The following NAALADL2 variants were observed in gnomAD, a reference collection of about 807,000 sequenced individuals.
The protein encoded by NAALADL2 is N-acetylated alpha-linked acidic dipeptidase like 2, also known as inactive N-acetylated-alpha-linked acidic dipeptidase-like protein 2.
A neutral mutation model predicts 87.2 loss-of-function variants in NAALADL2; 76 were observed. The ratio of observed to expected loss-of-function variants is 0.87; its 90% CI spans 0.72 to 1.05. The LOEUF is 1.05. Among genes scored for constraint, NAALADL2 ranks in the 50% least tolerant of loss-of-function variants. The pLI, the probability that NAALADL2 is intolerant of heterozygous loss-of-function variation, is 0.00. For missense variants in NAALADL2, 1,089 were observed against 945.8 expected (o/e 1.15, Z -1.99); for synonymous variants, 354 against 331.0 (o/e 1.07, Z -0.75).
chr3:175,583,803 T>C (rs1441541498), intron 10 of NAALADL2, among the ~76,000 whole-genome samples: 1 of 152,172 alleles, frequency 6.6e-6, no homozygotes, highest in Non-Finnish European at 1.5e-5. Flanking sequence ...AACTGATTAT[T>C]TATATGAACT....
intron 2 of NAALADL2, among the ~76,000 whole-genome samples, chr3:175,227,647 G>A (rs769987642): frequency 2.0e-5 from 3 of 151,802 alleles, no homozygotes; most frequent in Non-Finnish European, 2.9e-5. Context: ...CATTTATTGT[G>A]GGGAAAAAAT....
At chr3:174,700,974 G>C (rs1729492622) in intron 2 of NAALADL2, among the ~76,000 whole-genome samples, 1 of 152,112 alleles carries the variant, frequency 6.6e-6, no homozygotes, top group Non-Finnish European at 1.5e-5. Context: ...CAATCTGACT[G>C]CAGCATTGTG....
intron 2 of NAALADL2, among the ~76,000 whole-genome samples, chr3:174,605,622 C>T (rs1718953346): frequency 6.6e-6 from 1 of 152,130 alleles, no homozygotes; most frequent in African/African-American, 2.4e-5. Context: ...GAGGGGCGCC[C>T]ACCATTGCCC....
Position 175,806,846 on chromosome 3 carries a change from C to T in NAALADL2, c.*3643C>T, listed in dbSNP as rs1000751370. ...TGTATTCAGTTCTTTGTTCTTTACA[C>T]TGAGTGCCGAAAAAAAAAATCAGAC... On this transcript the variant is annotated 3_prime_UTR_variant, in exon 14 of 14. Transcript: ENST00000454872. 1.3e-5 allele frequency: 2 copies of T among 150,758 alleles called. No individual in the cohort carries two copies. The highest frequency in any genetic ancestry group is 4.9e-5 in the African/African-American group (2 of 41,042). The allele number at this position is 150,758 out of a possible 1,614,324, so 9.3% of individuals were successfully genotyped here. A position where few individuals can be genotyped will look rare whatever the true frequency, so the allele number is the denominator to read the frequency against.
At chr3:174,747,209 A>G (rs1734339156) in intron 3 of NAALADL2, among the ~76,000 whole-genome samples, 1 of 152,302 alleles carries the variant, frequency 6.6e-6, no homozygotes, top group South Asian at 2.1e-4. Context: ...CAGAATCTAC[A>G]AGGAACTTAA....
intron 3 of NAALADL2, among the ~76,000 whole-genome samples, chr3:174,770,607 G>A (rs370414945): frequency 1.1e-4 from 16 of 152,156 alleles, no homozygotes; most frequent in African/African-American, 3.4e-4. Context: ...TTGGGAGGCC[G>A]AGGTGGGCGG....
chr3:175,011,680 G>A (rs188002959), intron 1 of NAALADL2, among the ~76,000 whole-genome samples: 7 of 152,234 alleles, frequency 4.6e-5, no homozygotes, highest in Admixed American at 4.6e-4. Flanking sequence ...CTGGATGGTA[G>A]TTGTAGACAA....
intron 2 of NAALADL2, among the ~76,000 whole-genome samples, chr3:174,665,301 A>T (rs1474055141): frequency 6.6e-6 from 1 of 152,156 alleles, no homozygotes; most frequent in African/African-American, 2.4e-5. Context: ...GAGGTAACAC[A>T]TTGTACATGG....
intron 5 of NAALADL2, among the ~76,000 whole-genome samples, chr3:175,374,469 G>T (rs1766867550): frequency 7.7e-6 from 1 of 130,266 alleles, no homozygotes; most frequent in South Asian, 2.7e-4. Flanking sequence ...TAGAAGAATT[G>T]CTTGAACCTA....
chr3:175,420,154 T>G (rs1438520516), intron 5 of NAALADL2, among the ~76,000 whole-genome samples: 1 of 151,968 alleles, frequency 6.6e-6, no homozygotes, highest in African/African-American at 2.4e-5. Flanking sequence ...TTCTAAAATT[T>G]TGTATACCTT....
At chr3:175,759,157 T>C (rs1159161947) in intron 13 of NAALADL2, among the ~76,000 whole-genome samples, 2 of 152,128 alleles carry the variant, frequency 1.3e-5, no homozygotes, top group Non-Finnish European at 2.9e-5. Context: ...CTCTGTGCAA[T>C]ACTGCTGGAA....
intron 3 of NAALADL2, among the ~76,000 whole-genome samples, chr3:174,818,625 C>A (rs986841480): frequency 6.6e-6 from 1 of 152,046 alleles, no homozygotes; most frequent in African/African-American, 2.4e-5. Context: ...CATACTACAC[C>A]CTGGAATTTG....
At chr3:175,413,639 A>T (rs955807675) in intron 5 of NAALADL2, among the ~76,000 whole-genome samples, 1 of 151,820 alleles carries the variant, frequency 6.6e-6, no homozygotes, top group African/African-American at 2.4e-5. Flanking sequence ...ACTGAAATAA[A>T]AGTTGTCATT....
chr3:175,663,484 A>AT (rs1476908394), intron 11 of NAALADL2, among the ~76,000 whole-genome samples: 1 of 150,468 alleles, frequency 6.6e-6, no homozygotes, highest in Non-Finnish European at 1.5e-5. Context: ...ATTTTATTTC[A>AT]TTTTTTTCAA....
intron 1 of NAALADL2, among the ~76,000 whole-genome samples, chr3:175,021,846 A>G (rs1383287132): frequency 3.9e-5 from 6 of 152,114 alleles, no homozygotes; most frequent in Admixed American, 2.6e-4. Context: ...GAACTTGGAT[A>G]TTATAGGGTG....
chr3:174,679,918 A>G (rs1727374318), intron 2 of NAALADL2, among the ~76,000 whole-genome samples: 1 of 152,166 alleles, frequency 6.6e-6, no homozygotes, highest in Admixed American at 6.5e-5. Flanking sequence ...ACTTACAATT[A>G]TGATTCTTAT....
At chr3:175,203,615 C>T (rs13317929) in intron 2 of NAALADL2, among the ~76,000 whole-genome samples, 10 of 116,910 alleles carry the variant, frequency 8.6e-5, no homozygotes, top group African/African-American at 2.6e-4. Flanking sequence ...TCTCCTCATG[C>T]TGCTCTGTCC....
At position 175,780,275 on chromosome 3, in the gene NAALADL2, C is replaced by CA. The variant is rs541348455; in HGVS notation, c.2190-22718dup. Among the ~76,000 whole-genome samples, 653 of 126,050 alleles carry CA rather than the reference C, an allele frequency of 5.2e-3. 5 individuals carry two copies. Among genetic ancestry groups the CA allele is most frequent in the South Asian group, 0.019 (77 of 3,974 alleles). 82.7% of individuals were successfully genotyped at this position (126,050 alleles called of 152,430 possible). On this transcript the variant is annotated intron_variant, in intron 13 of 13. Coordinates refer to ENST00000454872, the MANE Select transcript of NAALADL2 (RefSeq NM_207015.3). ...TGGGTGACAGAGCGAGACTCTGTCT[C>CA]AAAAAAAAAAAACCAATAAAAAGAA...
intron 11 of NAALADL2, among the ~76,000 whole-genome samples, chr3:175,685,146 C>T (rs1005316330): frequency 6.6e-6 from 1 of 152,130 alleles, no homozygotes; most frequent in Non-Finnish European, 1.5e-5. Context: ...TTGGATCCCT[C>T]CCATAGCTCT....
Sources: gnomAD v4.1 joint callset for allele counts (sites outside exome capture counted in the v4.1 genomes callset) on GRCh38, gnomAD v4.1.1 for gene constraint, MANE v1.5 for transcripts, NCBI Gene and HGNC (gene_info 2026-07-23, HGNC 2026-07-21) for gene names.